The following NDUFA9 variants were observed in gnomAD, a reference collection of about 807,000 sequenced individuals.
The protein encoded by NDUFA9 is NADH dehydrogenase [ubiquinone] 1 alpha subcomplex subunit 9, mitochondrial.
Under a neutral mutation model 45.9 loss-of-function variants are expected in NDUFA9, and 23 were observed. The ratio of observed to expected loss-of-function variants is 0.50; its 90% CI spans 0.36 to 0.71. The LOEUF is 0.71. Among genes scored for constraint, NDUFA9 ranks in the 30% least tolerant of loss-of-function variants. The pLI is 0.00. For synonymous variants in NDUFA9, 176 were observed against 170.5 expected (o/e 1.03, Z -0.25); for missense variants, 466 against 488.2 (o/e 0.95, Z 0.43).
chr12:4,658,904 G>A, intron 4 of NDUFA9, 132 bp from the exon 5 acceptor site: 1 of 997,860 alleles, frequency 1.0e-6, no homozygotes, highest in South Asian at 1.7e-5. Context: ...TTAGCTTTAA[G>A]TTAAATCATT....
At position 4,687,112 on chromosome 12, in the gene NDUFA9, C is replaced by G. The variant is rs1163849932; in HGVS notation, c.*4C>G. On this transcript the variant is annotated 3_prime_UTR_variant, in exon 11 of 11. Coordinates refer to ENST00000266544, the MANE Select transcript of NDUFA9 (RefSeq NM_005002.5). ...GGCCAAGACCGTCAACATTTAGTGCCTCCTGAGCAGCTCTTGGTTTTGGCG... is the reference window on the plus strand; with the variant it reads ...GGCCAAGACCGTCAACATTTAGTGCGTCCTGAGCAGCTCTTGGTTTTGGCG... 1.9e-6 allele frequency: 3 copies of G among 1,613,974 alleles called. No individual in the cohort carries two copies. The South Asian group carries it at 3.3e-5, about 18-fold the overall frequency.
chr12:4,684,576 C>A (rs1206076088), intron 9 of NDUFA9, among the ~76,000 whole-genome samples: 1 of 152,066 alleles, frequency 6.6e-6, no homozygotes, highest in Non-Finnish European at 1.5e-5. Flanking sequence ...GTGAGTCCGG[C>A]CTGGACAACA....
At chr12:4,681,780 A>G (rs190789225) in intron 8 of NDUFA9, among the ~76,000 whole-genome samples, 81 of 151,278 alleles carry the variant, frequency 5.4e-4, no homozygotes, top group African/African-American at 1.5e-3. Context: ...ATTTATTACA[A>G]GAATGTTCAT....
At chr12:4,668,434 G>C (rs1565568642) in intron 6 of NDUFA9, 23 bp from the exon 7 acceptor site, 1 of 1,597,590 alleles carries the variant, frequency 6.3e-7, no homozygotes, top group African/African-American at 1.3e-5. Flanking sequence ...TCTCAGTATA[G>C]TTCTCATTCT....
At chr12:4,668,977 G>A (rs941483048) in intron 7 of NDUFA9, among the ~76,000 whole-genome samples, 1 of 152,196 alleles carries the variant, frequency 6.6e-6, no homozygotes, top group Non-Finnish European at 1.5e-5. Flanking sequence ...GATGACTAAA[G>A]GTAAGCCTGA....
chr12:4,687,314 T>G lies in NDUFA9; in HGVS notation c.*206T>G, dbSNP rs1203246753. ...TTGAGCATGATTTTTGTTAAACATA[T>G]TTAATAATGATATATATACTATTTA... is the stretch of plus-strand genomic sequence containing the variant. On this transcript the variant is annotated 3_prime_UTR_variant, in exon 11 of 11. Coordinates refer to ENST00000266544, the MANE Select transcript of NDUFA9 (RefSeq NM_005002.5). 1.0e-5 allele frequency: 5 copies of G among 491,766 alleles called. No individual in the cohort carries two copies. In the East Asian group the frequency reaches 1.7e-4, roughly 17 times the overall value. The allele number at this position is 491,766 out of a possible 1,614,324, so 30.5% of individuals were successfully genotyped here.
chr12:4,685,664 CT>C (rs1234011030), intron 10 of NDUFA9, among the ~76,000 whole-genome samples: 1 of 119,180 alleles, frequency 8.4e-6, no homozygotes, highest in Non-Finnish European at 2.0e-5. Context: ...CTCCTCCTAA[CT>C]TCCTCCTAAC....
intron 1 of NDUFA9, among the ~76,000 whole-genome samples, chr12:4,649,457 C>T (rs535623552): frequency 4.6e-5 from 7 of 151,192 alleles, no homozygotes; most frequent in Non-Finnish European, 1.0e-4. Flanking sequence ...AATCAGAATT[C>T]TGATATGGTT....
rs1266976516 is a variant in NDUFA9, at chr12:4,682,281, T to A, written c.877T>A (p.Leu293Met). Reference sequence around the variant, plus strand: ...TCACAGATTGTTCCTCCCATTCCCCTTGCCGCTTTTTGCCTATCGGTAAGT... The same window carrying A: ...TCACAGATTGTTCCTCCCATTCCCCATGCCGCTTTTTGCCTATCGGTAAGT... Reference protein sequence around the residue: ...VAHRLFLPFPLPLFAYRWVAR... With the variant: ...VAHRLFLPFPMPLFAYRWVAR... Residue 293 changes from leucine (L) to methionine (M), a missense_variant, in exon 9 of 11, where the codon TTG (leucine) becomes ATG (methionine). Coordinates refer to ENST00000266544, the MANE Select transcript of NDUFA9 (RefSeq NM_005002.5). 6.2e-7 allele frequency: 1 copy of A among 1,612,112 alleles called. No individual in the cohort carries two copies. Among genetic ancestry groups the A allele is most frequent in the Admixed American group, 1.7e-5 (1 of 59,940 alleles).
rs1945956135 is a variant in NDUFA9, at chr12:4,682,096, A to T, written c.801-109A>T. 3 of 700,496 alleles carry T rather than the reference A, an allele frequency of 4.3e-6. No individual in the cohort carries two copies. In the South Asian group the frequency reaches 6.1e-5, roughly 14 times the overall value. 43.4% of individuals were successfully genotyped at this position (700,496 alleles called of 1,614,324 possible). On this transcript the variant is annotated intron_variant, in intron 8 of 10. Coordinates refer to ENST00000266544, the MANE Select transcript of NDUFA9 (RefSeq NM_005002.5). ...TTTTTCTTTGTGCTATTCTGTATCT[A>T]CTACAGTGCATATATGTTTCCTTTT... is the stretch of plus-strand genomic sequence containing the variant.
intron 1 of NDUFA9, 68 bp from the exon 2 acceptor site, chr12:4,654,224 T>C (rs1396834128): frequency 7.7e-6 from 11 of 1,432,852 alleles, no homozygotes; most frequent in Non-Finnish European, 1.1e-5. Context: ...AGAAAGGAGC[T>C]ATTTGTGTTG....
intron 10 of NDUFA9, 143 bp from the exon 11 acceptor site, chr12:4,686,795 C>T (rs1945989302): frequency 4.0e-6 from 3 of 759,384 alleles, no homozygotes; most frequent in East Asian, 2.7e-5. Context: ...TTGCATGAAT[C>T]GAAAATTGCC....
In NDUFA9 at chr12:4,687,019, G is replaced by A. The variant is rs1216684654; in HGVS notation, c.1045G>A (p.Ala349Thr). 1.2e-6 allele frequency: 2 copies of A among 1,614,194 alleles called. No individual in the cohort carries two copies. The highest frequency in any genetic ancestry group is 4.5e-5 in the East Asian group (2 of 44,888). ...TCAGGCAACACCACTGGAACTCAAG[G>A]CCATTGAGGTGCTGCGGCGTCATCG... The part of the protein sequence containing the change: ...GIQATPLELK[A>T]IEVLRRHRTY... The change falls in exon 11 of 11, where the codon GCC becomes ACC. Residue 349 changes from alanine (A) to threonine (T), a missense_variant. Physicochemically the swap from Ala to Thr is moderately conservative, Grantham distance 58. Transcript: ENST00000266544.
At chr12:4,661,418 G>T (rs996653047) in intron 5 of NDUFA9, among the ~76,000 whole-genome samples, 3 of 152,096 alleles carry the variant, frequency 2.0e-5, no homozygotes, top group African/African-American at 7.2e-5. Context: ...TTGAGGGCCT[G>T]GTTAAAATTG....
chr12:4,684,241 T>A (rs528521144), intron 9 of NDUFA9, among the ~76,000 whole-genome samples: 1 of 152,358 alleles, frequency 6.6e-6, no homozygotes, highest in East Asian at 1.9e-4. Context: ...TCCAGCCAGC[T>A]TCCTTTTTCA....
chr12:4,655,524 G>T (rs1945784756), intron 3 of NDUFA9: 1 of 152,032 alleles, frequency 6.6e-6, no homozygotes. Flanking sequence ...TAATATTTTG[G>T]ATATATTAGG....
chr12:4,660,537 G>A (rs919850646), intron 5 of NDUFA9, among the ~76,000 whole-genome samples: 1 of 152,082 alleles, frequency 6.6e-6, no homozygotes, highest in African/African-American at 2.4e-5. Context: ...AGGATAAGAT[G>A]GCTGAAGATT....
intron 1 of NDUFA9, among the ~76,000 whole-genome samples, chr12:4,650,634 A>G (rs1945753301): frequency 6.6e-6 from 1 of 152,208 alleles, no homozygotes; most frequent in Non-Finnish European, 1.5e-5. Context: ...TAAGACAACT[A>G]TATATAGTTA....
chr12:4,685,785 C>G (rs1169836711), intron 10 of NDUFA9, among the ~76,000 whole-genome samples: 1 of 152,222 alleles, frequency 6.6e-6, no homozygotes, highest in Admixed American at 6.5e-5. Flanking sequence ...TATCCACAAT[C>G]TCCAGTCTCC....
Sources: allele counts gnomAD v4.1 joint callset (sites outside exome capture counted in the v4.1 genomes callset), GRCh38; gene constraint gnomAD v4.1.1; transcripts MANE v1.5; gene names NCBI Gene and HGNC (gene_info 2026-07-23, HGNC 2026-07-21).